XXYLT1: variants seen among roughly 807,000 people sequenced by gnomAD.
The protein encoded by XXYLT1 is xyloside xylosyltransferase 1, also known as UDP-xylose:alpha-xyloside alpha-1,3-xylosyltransferase.
In XXYLT1, 20 loss-of-function variants were observed where a neutral mutation model predicts 28.9. The observed-to-expected ratio is 0.69, with a 90% CI of 0.49 to 1.00. The LOEUF (loss-of-function observed/expected upper bound fraction) is 1.00. XXYLT1 is among the 50% of genes least tolerant of loss of function. The pLI is 0.00. For synonymous variants in XXYLT1, 257 were observed against 253.8 expected, an observed-to-expected ratio of 1.01 and a Z score of -0.12; for missense variants, 542 against 560.1, an observed-to-expected ratio of 0.97 and a Z score of 0.33.
intron 1 of XXYLT1, among the ~76,000 whole-genome samples, chr3:195,259,013 C>CACCT (rs1398042733): frequency 6.6e-6 from 1 of 152,250 alleles, no homozygotes; most frequent in Non-Finnish European, 1.5e-5. Context: ...GTTCCCAACA[C>CACCT]ACCTATTCCG....
intron 1 of XXYLT1, among the ~76,000 whole-genome samples, chr3:195,231,946 AAT>A (rs1293015973): frequency 6.6e-6 from 1 of 152,012 alleles, no homozygotes; most frequent in Non-Finnish European, 1.5e-5. Flanking sequence ...TATTTTTCAG[AAT>A]AGTTTGAGTA....
intron 1 of XXYLT1, chr3:195,270,145 G>A: frequency 2.4e-6 from 1 of 422,604 alleles, no homozygotes; most frequent in Non-Finnish European, 4.5e-6. Context: ...GCCTCACCAA[G>A]GCCCTCTCCA....
At chr3:195,100,427 G>A (rs73056521) in intron 3 of XXYLT1, among the ~76,000 whole-genome samples, 6,963 of 152,178 alleles carry the variant, frequency 0.046, 255 homozygotes, top group East Asian at 0.21. Context: ...ACATCACAGC[G>A]CCTCCCCCAG....
intron 1 of XXYLT1, among the ~76,000 whole-genome samples, chr3:195,265,823 A>G (rs1195850177): frequency 6.6e-6 from 1 of 152,192 alleles, no homozygotes; most frequent in Non-Finnish European, 1.5e-5. Flanking sequence ...TGAAACACAG[A>G]GCTGGAAGGA....
rs1715144890 is a variant in XXYLT1, at chr3:195,076,758, C to T, written c.786-6647G>A. Among the ~76,000 whole-genome samples the T allele has an allele frequency of 6.6e-6, 1 of 152,160 alleles. No homozygotes were observed. Among genetic ancestry groups the T allele is most frequent in the Non-Finnish European group, 1.5e-5 (1 of 68,030 alleles). On this transcript the variant is annotated intron_variant, in intron 3 of 3. Coordinates refer to ENST00000310380, the MANE Select transcript of XXYLT1 (RefSeq NM_152531.5). This position sits in a 1 kb window ranked among gnomAD's most constrained non-coding sequence, Gnocchi z 5.3. ...GTCTGGGATCCTGGGAGAGGCATCA[C>T]CCTGCTCTCTGCCTTCATATTCACA...
intron 1 of XXYLT1, among the ~76,000 whole-genome samples, chr3:195,268,715 G>A (rs942974791): frequency 7.9e-5 from 12 of 152,194 alleles, no homozygotes; most frequent in African/African-American, 2.7e-4. Context: ...CCTCAACAGA[G>A]GAGGTATCAG....
chr3:195,175,707 G>A, intron 2 of XXYLT1: 1 of 1,536,152 alleles, frequency 6.5e-7, no homozygotes, highest in South Asian at 1.2e-5. Flanking sequence ...ATGAGCAGAA[G>A]TGCTGTGTGC....
rs886501290 is a variant in XXYLT1, at chr3:195,117,122, C to T, written c.785+39327G>A. On this transcript the variant is annotated intron_variant, in intron 3 of 3. Transcript: ENST00000310380. ...TATATATATATAGTGTATACACACA[C>T]ACACACACACACACACACACATCCC... Among the ~76,000 whole-genome samples the T allele has an allele frequency of 1.4e-3, 134 of 96,448 alleles. 1 individual carries two copies. The highest frequency in any genetic ancestry group is 5.6e-3 in the African/African-American group (128 of 22,890). The allele number at this position is 96,448 out of a possible 152,430, so 63.3% of individuals were successfully genotyped here.
intron 1 of XXYLT1, among the ~76,000 whole-genome samples, chr3:195,241,993 G>A (rs145788895): frequency 1.8e-3 from 268 of 152,340 alleles, no homozygotes; most frequent in African/African-American, 6.0e-3. Context: ...CAGCCTGTAA[G>A]GCACCATGAG....
intron 2 of XXYLT1, among the ~76,000 whole-genome samples, chr3:195,193,772 G>A (rs964329897): frequency 6.6e-6 from 1 of 152,086 alleles, no homozygotes; most frequent in African/African-American, 2.4e-5. Flanking sequence ...AAATGTGAAG[G>A]TAATTATTAT....
chr3:195,140,904 G>C (rs561230126), intron 3 of XXYLT1, among the ~76,000 whole-genome samples: 1 of 152,106 alleles, frequency 6.6e-6, no homozygotes, highest in Non-Finnish European at 1.5e-5. Context: ...GATGGTATTC[G>C]GGGGATTTGG....
At chr3:195,229,318 C>T (rs1161831420) in intron 1 of XXYLT1, among the ~76,000 whole-genome samples, 1 of 152,104 alleles carries the variant, frequency 6.6e-6, no homozygotes, top group Non-Finnish European at 1.5e-5. Context: ...TTCATACAAG[C>T]ATACAATGCA....
chr3:195,155,357 C>A (rs982450029), intron 3 of XXYLT1, among the ~76,000 whole-genome samples: 1 of 152,256 alleles, frequency 6.6e-6, no homozygotes, highest in East Asian at 1.9e-4. Flanking sequence ...GAACAAAGAG[C>A]GGGGCATGCC....
At chr3:195,119,912 AG>A (rs2108611905) in intron 3 of XXYLT1, among the ~76,000 whole-genome samples, 1 of 14,226 alleles carries the variant, frequency 7.0e-5, no homozygotes, top group Admixed American at 9.5e-4. Context: ...CAGGGAAGGC[AG>A]GGGGAGGTCA....
In XXYLT1 at chr3:195,069,620, T is replaced by C. The variant is rs1230147381; in HGVS notation, c.*95A>G. ...AATCACAGGACTTCCCTGCGGTGTC[T>C]CTCTAGCGGGTCAGACACTGCCCTT... On this transcript the variant is annotated 3_prime_UTR_variant, in exon 4 of 4. Transcript: ENST00000310380. 8.1e-6 allele frequency: 12 copies of C among 1,487,728 alleles called. No homozygotes were observed. Among genetic ancestry groups the C allele is most frequent in the South Asian group, 1.3e-5 (1 of 75,620 alleles). The allele number at this position is 1,487,728 out of a possible 1,614,324, so 92.2% of individuals were successfully genotyped here. A position where few individuals can be genotyped will look rare whatever the true frequency, so the allele number is the denominator to read the frequency against.
intron 2 of XXYLT1, among the ~76,000 whole-genome samples, chr3:195,196,186 G>A (rs914269112): frequency 6.6e-6 from 1 of 152,248 alleles, no homozygotes; most frequent in African/African-American, 2.4e-5. Context: ...TACAGCTAGT[G>A]TGACTGAGGA....
At position 195,112,488 on chromosome 3, in the gene XXYLT1, G is replaced by C. The variant is rs1717788728; in HGVS notation, c.786-42377C>G. ...CACCCACACACATGCACACACGCAT[G>C]GACACATGCACACACCCACACACAC... On this transcript the variant is annotated intron_variant, in intron 3 of 3. Transcript: ENST00000310380. 3.9e-5 allele frequency among the ~76,000 whole-genome samples: 4 copies of C among 103,180 alleles called. No individual in the cohort carries two copies. In the Admixed American group the frequency reaches 4.6e-4, roughly 12 times the overall value. The allele number at this position is 103,180 out of a possible 152,430, so 67.7% of individuals were successfully genotyped here.
Position 195,133,965 on chromosome 3 carries a change from A to T in XXYLT1, c.785+22484T>A, listed in dbSNP as rs975506633. On this transcript the variant is annotated intron_variant, in intron 3 of 3. Coordinates refer to ENST00000310380, the MANE Select transcript of XXYLT1 (RefSeq NM_152531.5). The surrounding 1 kb of genome is among the most constrained non-coding windows in gnomAD (Gnocchi z 4.4). ...GGAGGCTCATGCCTGTAATCCTGGC[A>T]CTTTGGGAGGCTGAGGCAGGAGGGT... is the stretch of plus-strand genomic sequence containing the variant. 1.3e-5 allele frequency among the ~76,000 whole-genome samples: 2 copies of T among 152,202 alleles called. No homozygotes were observed. The highest frequency in any genetic ancestry group is 2.9e-5 in the Non-Finnish European group (2 of 68,036).
chr3:195,143,733 ATT>A (rs1719607876), intron 3 of XXYLT1, among the ~76,000 whole-genome samples: 1 of 147,240 alleles, frequency 6.8e-6, no homozygotes, highest in Non-Finnish European at 1.5e-5. Flanking sequence ...AGTATGTTAC[ATT>A]TACTAGATGA....
Sources: gnomAD v4.1 joint callset for allele counts (sites outside exome capture counted in the v4.1 genomes callset) on GRCh38, gnomAD v4.1.1 for gene constraint, Gnocchi (gnomAD v3.1) non-coding constraint, MANE v1.5 for transcripts, NCBI Gene and HGNC (gene_info 2026-07-23, HGNC 2026-07-21) for gene names.